TENM2: variants seen among roughly 807,000 people sequenced by gnomAD.
TENM2 encodes the protein teneurin-2.
TENM2 carries 52 observed loss-of-function variants against 245.2 expected under a neutral mutation model. The observed-to-expected ratio is 0.21, with a 90% CI of 0.17 to 0.27. The LOEUF (loss-of-function observed/expected upper bound fraction) is 0.27, where lower values mean the gene tolerates loss of function less well. TENM2 is among the 10% of genes least tolerant of loss of function. The pLI is 1.00. For missense variants in TENM2, 3,046 were observed against 3,666.8 expected, an observed-to-expected ratio of 0.83 and a Z score of 4.37; for synonymous variants, 1,363 against 1,438.9, an observed-to-expected ratio of 0.95 and a Z score of 1.19.
intron 1 of TENM2, among the ~76,000 whole-genome samples, chr5:167,292,443 T>C (rs1440719944): frequency 6.6e-6 from 1 of 152,220 alleles, no homozygotes; most frequent in Non-Finnish European, 1.5e-5. Context: ...TATTCCTGCT[T>C]CATTTATCTC....
At chr5:167,305,278 C>A (rs958941888) in intron 1 of TENM2, among the ~76,000 whole-genome samples, 1 of 152,180 alleles carries the variant, frequency 6.6e-6, no homozygotes, top group Non-Finnish European at 1.5e-5. Flanking sequence ...ACTGTGAGAG[C>A]TTTCTAGGAC....
chr5:167,696,934 C>G (rs757705656), intron 2 of TENM2, among the ~76,000 whole-genome samples: 1 of 152,172 alleles, frequency 6.6e-6, no homozygotes, highest in Non-Finnish European at 1.5e-5. Flanking sequence ...AAGCTCATCA[C>G]CTAACTTGGG....
chr5:167,877,073 C>T (rs1418559931), intron 3 of TENM2, among the ~76,000 whole-genome samples: 1 of 152,138 alleles, frequency 6.6e-6, no homozygotes, highest in Non-Finnish European at 1.5e-5. Flanking sequence ...CAGGGAGAGA[C>T]ATTTGCAAAA....
intron 2 of TENM2, among the ~76,000 whole-genome samples, chr5:167,623,810 C>A (rs1173838812): frequency 6.6e-6 from 1 of 152,096 alleles, no homozygotes; most frequent in Non-Finnish European, 1.5e-5. Context: ...AAAATGAAAT[C>A]TATCCCTTTT....
At chr5:167,581,567 ATT>A (rs1386289587) in intron 2 of TENM2, among the ~76,000 whole-genome samples, 1 of 152,186 alleles carries the variant, frequency 6.6e-6, no homozygotes, top group Admixed American at 6.5e-5. Flanking sequence ...TAGTATTCGT[ATT>A]TGTGTTACAT....
At chr5:167,494,851 A>G (rs1057080296) in intron 2 of TENM2, among the ~76,000 whole-genome samples, 92 of 152,246 alleles carry the variant, frequency 6.0e-4, no homozygotes, top group African/African-American at 2.2e-3. Flanking sequence ...CTAGGATAAG[A>G]AAAACCTAAT....
At chr5:167,721,022 G>A (rs190501767) in intron 2 of TENM2, among the ~76,000 whole-genome samples, 127 of 152,266 alleles carry the variant, frequency 8.3e-4, no homozygotes, top group African/African-American at 2.8e-3. Flanking sequence ...ATAAAGTCCT[G>A]CATTCTCATT....
chr5:167,745,535 A>G (rs977243914), intron 2 of TENM2, among the ~76,000 whole-genome samples: 1 of 152,232 alleles, frequency 6.6e-6, no homozygotes, highest in African/African-American at 2.4e-5. Context: ...TTCACATACC[A>G]TAAAATCCAC....
At chr5:167,618,556 A>G (rs1222587512) in intron 2 of TENM2, among the ~76,000 whole-genome samples, 1 of 152,158 alleles carries the variant, frequency 6.6e-6, no homozygotes, top group Admixed American at 6.5e-5. Context: ...GCTGCATGTC[A>G]GCGCTCACTC....
chr5:167,017,234 C>G, the TENM2 span, among the ~76,000 whole-genome samples: 46 of 152,144 alleles, frequency 3.0e-4, no homozygotes, highest in Admixed American at 2.8e-3. Context: ...AAACTTATAT[C>G]CAGGTCTTTT....
chr5:168,223,507 C>T (rs183317183), intron 23 of TENM2, among the ~76,000 whole-genome samples: 47 of 137,806 alleles, frequency 3.4e-4, no homozygotes, highest in South Asian at 4.4e-4. Flanking sequence ...CTTGCTCTGT[C>T]GCCAGGCTGA....
intron 2 of TENM2, among the ~76,000 whole-genome samples, chr5:167,603,280 G>C (rs1028366609): frequency 1.3e-5 from 2 of 152,172 alleles, no homozygotes; most frequent in Non-Finnish European, 2.9e-5. Flanking sequence ...TCCTTGAATT[G>C]TTTAATGTCA....
At chr5:167,630,820 T>C (rs1561618568) in intron 2 of TENM2, among the ~76,000 whole-genome samples, 1 of 152,254 alleles carries the variant, frequency 6.6e-6, no homozygotes, top group African/African-American at 2.4e-5. Context: ...GCTATATCTG[T>C]GCATAGCTTT....
chr5:168,060,337 C>T (rs919164148), intron 6 of TENM2, among the ~76,000 whole-genome samples: 6 of 152,134 alleles, frequency 3.9e-5, no homozygotes, highest in African/African-American at 1.4e-4. Flanking sequence ...TCACTTGAGC[C>T]CAGGAGGTCA....
intron 1 of TENM2, among the ~76,000 whole-genome samples, chr5:167,308,535 G>C (rs1449390305): frequency 6.6e-6 from 1 of 152,322 alleles, no homozygotes; most frequent in African/African-American, 2.4e-5. Context: ...CCTGTGAGAT[G>C]TGCTGTCTCA....
chr5:168,011,570 G>A lies in TENM2; in HGVS notation c.1186+18388G>A, dbSNP rs528245365. Among the ~76,000 whole-genome samples, 11 of 152,148 alleles carry A rather than the reference G, an allele frequency of 7.2e-5. No homozygotes were observed. In the East Asian group the frequency reaches 1.2e-3, roughly 16 times the overall value. ...ATTTTTTCTTTTTTACCACTTGAACGAAAATAAGAGCTTATATTGCCCTGT... is the reference window on the plus strand; with the variant it reads ...ATTTTTTCTTTTTTACCACTTGAACAAAAATAAGAGCTTATATTGCCCTGT... On this transcript the variant is annotated intron_variant, in intron 5 of 28. Coordinates refer to ENST00000518659, the Ensembl canonical transcript of TENM2.
intron 2 of TENM2, among the ~76,000 whole-genome samples, chr5:167,544,873 A>T (rs1772452222): frequency 6.6e-6 from 1 of 152,218 alleles, no homozygotes; most frequent in Admixed American, 6.5e-5. Flanking sequence ...GTAATTGGGG[A>T]ATAGAATTAA....
chr5:167,418,254 C>G (rs187465744), intron 2 of TENM2, among the ~76,000 whole-genome samples: 41 of 151,156 alleles, frequency 2.7e-4, no homozygotes, highest in African/African-American at 9.0e-4. Context: ...GCTTGAACCC[C>G]GGAGGTGGAG....
chr5:167,427,754 AAGGGAAGGAAGG>A (rs1763946106), intron 2 of TENM2, among the ~76,000 whole-genome samples: 1 of 135,620 alleles, frequency 7.4e-6, no homozygotes, highest in Non-Finnish European at 1.6e-5. Context: ...GAAGGGAAGG[AAGGGAAGGAAGG>A]AAGGACGGGA....
Sources: gnomAD v4.1 joint callset for allele counts (sites outside exome capture counted in the v4.1 genomes callset) on GRCh38, gnomAD v4.1.1 for gene constraint, MANE v1.5 for transcripts, NCBI Gene and HGNC (gene_info 2026-07-23, HGNC 2026-07-21) for gene names.